Variants in GALNT13 observed in about 807,000 individuals in gnomAD.
The protein encoded by GALNT13 is polypeptide N-acetylgalactosaminyltransferase 13.
Under a neutral mutation model 64.2 loss-of-function variants are expected in GALNT13, and 28 were observed. The ratio of observed to expected loss-of-function variants is 0.44; its 90% CI spans 0.32 to 0.60. GALNT13 has a LOEUF of 0.60. Ranked by LOEUF, GALNT13 falls within the 20% of genes least tolerant of loss-of-function variation. The probability of loss-of-function intolerance (pLI) is 0.05; values close to 1 mark genes in which losing one functional copy is unlikely to be tolerated. For missense variants in GALNT13, 577 were observed against 669.8 expected (o/e 0.86, Z 1.53); for synonymous variants, 214 against 224.6 (o/e 0.95, Z 0.42).
At chr2:153,614,033 G>A in the GALNT13 span, among the ~76,000 whole-genome samples, 1 of 151,808 alleles carries the variant, frequency 6.6e-6, no homozygotes, top group Non-Finnish European at 1.5e-5. Context: ...AAAAAGAAAA[G>A]TGTTTTGTTG....
chr2:154,089,660 C>T (rs568477948), intron 3 of GALNT13, among the ~76,000 whole-genome samples: 3 of 152,024 alleles, frequency 2.0e-5, no homozygotes, highest in South Asian at 2.1e-4. Flanking sequence ...TCTGGAGTGG[C>T]GCTTCTCTCA....
At chr2:153,262,374 A>T in the GALNT13 span, among the ~76,000 whole-genome samples, 1 of 152,230 alleles carries the variant, frequency 6.6e-6, no homozygotes, top group Non-Finnish European at 1.5e-5. Flanking sequence ...GACTACAAAG[A>T]GGAGGTGGTA....
chr2:154,046,519 A>G (rs1189854210), intron 3 of GALNT13, among the ~76,000 whole-genome samples: 1 of 152,174 alleles, frequency 6.6e-6, no homozygotes, highest in African/African-American at 2.4e-5. Flanking sequence ...TCCTCCAGGA[A>G]AAAGTTCTGG....
chr2:153,728,712 G>A, the GALNT13 span, among the ~76,000 whole-genome samples: 1 of 152,018 alleles, frequency 6.6e-6, no homozygotes, highest in Non-Finnish European at 1.5e-5. Flanking sequence ...AGGAGCTGGT[G>A]TTTTGAAGAT....
chr2:154,000,584 G>A (rs191832345), intron 3 of GALNT13, among the ~76,000 whole-genome samples: 4 of 151,908 alleles, frequency 2.6e-5, no homozygotes, highest in South Asian at 2.1e-4. Flanking sequence ...AAATGTCTAC[G>A]TATTAGAGTT....
chr2:153,203,789 CTT>C, the GALNT13 span, among the ~76,000 whole-genome samples: 1 of 152,100 alleles, frequency 6.6e-6, no homozygotes, highest in African/African-American at 2.4e-5. Flanking sequence ...ATATATTACT[CTT>C]ATCATTTCCA....
At chr2:153,263,372 A>G in the GALNT13 span, among the ~76,000 whole-genome samples, 1 of 152,218 alleles carries the variant, frequency 6.6e-6, no homozygotes, top group Non-Finnish European at 1.5e-5. Flanking sequence ...CATACTGCCC[A>G]AAGTAATTTA....
At chr2:153,158,514 C>G in the GALNT13 span, among the ~76,000 whole-genome samples, 3 of 152,206 alleles carry the variant, frequency 2.0e-5, no homozygotes, top group East Asian at 1.9e-4. Context: ...TTCCTGGACT[C>G]TTAACTCTGT....
At chr2:153,478,692 C>CT in the GALNT13 span, 1 of 776,676 alleles carries the variant, frequency 1.3e-6, no homozygotes, top group Non-Finnish European at 2.0e-6. Flanking sequence ...CCTCGCTCTG[C>CT]TTTCGAAAGT....
the GALNT13 span, among the ~76,000 whole-genome samples, chr2:153,093,241 C>CT: frequency 4.8e-3 from 674 of 139,422 alleles, 11 homozygotes; most frequent in Middle Eastern, 0.019. Context: ...CTTTTCTTTT[C>CT]TTTTTTTTTT....
intron 2 of GALNT13, among the ~76,000 whole-genome samples, chr2:153,908,992 CA>C (rs2078387186): frequency 6.6e-6 from 1 of 152,042 alleles, no homozygotes; most frequent in Non-Finnish European, 1.5e-5. Flanking sequence ...GCAGTATGGC[CA>C]TTTTAATGAT....
intron 9 of GALNT13, among the ~76,000 whole-genome samples, chr2:154,392,965 AT>A (rs1228030720): frequency 1.3e-5 from 2 of 152,194 alleles, no homozygotes; most frequent in Non-Finnish European, 2.9e-5. Flanking sequence ...AAAAATGTAT[AT>A]GTGCGAGAGA....
the GALNT13 span, among the ~76,000 whole-genome samples, chr2:153,604,341 T>C: frequency 6.6e-6 from 1 of 152,126 alleles, no homozygotes; most frequent in Non-Finnish European, 1.5e-5. Flanking sequence ...CACAGGCATG[T>C]GGAAATTTTA....
At position 154,343,167 on chromosome 2, in the gene GALNT13, T is replaced by G. The variant is rs538688701; in HGVS notation, c.1156+41578T>G. On this transcript the variant is annotated intron_variant, in intron 9 of 12. Transcript: ENST00000392825. The stretch of plus-strand genomic sequence containing the variant: ...CTAAACATGGGGGCATCAGCTCTCG[T>G]TCCAGCCAGGTCTCAAGGAAGATAC... Among the ~76,000 whole-genome samples, 860 of 152,106 alleles carry G rather than the reference T, an allele frequency of 5.7e-3. 5 individuals are homozygous for G. The highest frequency in any genetic ancestry group is 9.5e-3 in the South Asian group (46 of 4,826).
chr2:154,342,803 G>A lies in GALNT13; in HGVS notation c.1156+41214G>A, dbSNP rs951276121. On this transcript the variant is annotated intron_variant, in intron 9 of 12. Transcript: ENST00000392825. Reference sequence around the variant, plus strand: ...GTTGTATCTATATGTACAGTAAAGTGTATTATATAATTAAGAGTGTGCGTG... The same window carrying A: ...GTTGTATCTATATGTACAGTAAAGTATATTATATAATTAAGAGTGTGCGTG... Among the ~76,000 whole-genome samples the A allele has an allele frequency of 6.0e-5, 9 of 150,220 alleles. No homozygotes were observed. The East Asian group carries it at 9.7e-4, about 16-fold the overall frequency.
the GALNT13 span, among the ~76,000 whole-genome samples, chr2:153,365,575 T>C: frequency 1.3e-5 from 2 of 152,078 alleles, no homozygotes; most frequent in Admixed American, 1.3e-4. Flanking sequence ...CATCAAAAAG[T>C]GGGCAAAGGA....
the GALNT13 span, among the ~76,000 whole-genome samples, chr2:153,748,042 A>G: frequency 0.017 from 2,555 of 152,264 alleles, 75 homozygotes; most frequent in East Asian, 0.13. Context: ...TTGTAAGTAT[A>G]TATAAAATAT....
At chr2:154,121,087 T>G (rs1681915090) in intron 3 of GALNT13, among the ~76,000 whole-genome samples, 1 of 152,200 alleles carries the variant, frequency 6.6e-6, no homozygotes, top group Admixed American at 6.5e-5. Flanking sequence ...TCTGGTATTG[T>G]GCCGACTTGG....
chr2:153,204,431 A>G, the GALNT13 span, among the ~76,000 whole-genome samples: 1 of 152,206 alleles, frequency 6.6e-6, no homozygotes, highest in Non-Finnish European at 1.5e-5. Flanking sequence ...GCATTTGGGA[A>G]CTCATTCCAG....
Sources: allele counts gnomAD v4.1 joint callset (sites outside exome capture counted in the v4.1 genomes callset), GRCh38; gene constraint gnomAD v4.1.1; transcripts MANE v1.5; gene names NCBI Gene and HGNC (gene_info 2026-07-23, HGNC 2026-07-21).